The following RPS29 variants were observed in gnomAD, a reference collection of about 807,000 sequenced individuals.
The protein encoded by RPS29 is ribosomal protein S29.
For synonymous variants in RPS29, 37 were observed against 26.9 expected (o/e 1.37, Z -1.16); for missense variants, 60 against 75.7 (o/e 0.79, Z 0.77).
At chr14:49,596,230 G>A (rs916679800) in intron 1 of RPS29, among the ~76,000 whole-genome samples, 1 of 152,104 alleles carries the variant, frequency 6.6e-6, no homozygotes, top group Non-Finnish European at 1.5e-5. Flanking sequence ...TGTAGGCCAG[G>A]TAGAAGAAGA....
intron 1 of RPS29, among the ~76,000 whole-genome samples, chr14:49,591,810 C>T (rs968239170): frequency 2.0e-5 from 3 of 151,434 alleles, no homozygotes; most frequent in African/African-American, 7.3e-5. Context: ...TTAGTAGAGA[C>T]AGGGTTTCAC....
At position 49,586,213 on chromosome 14, in the gene RPS29, C is replaced by T. The variant is rs1881546755; in HGVS notation, c.62+72G>A. On this transcript the variant is annotated intron_variant, in intron 1 of 2. Coordinates refer to ENST00000245458, the MANE Select transcript of RPS29 (RefSeq NM_001032.5). ...TGCTCCCTCGTGCCGCCCGTGGCCT[C>T]CTCTACTTGAGATTTTAAGCAGCCT... 10 of 1,520,668 alleles carry T rather than the reference C, an allele frequency of 6.6e-6. No individual in the cohort carries two copies. In the Admixed American group the frequency reaches 6.7e-5, roughly 10 times the overall value. The allele number at this position is 1,520,668 out of a possible 1,614,324, so 94.2% of individuals were successfully genotyped here. A position where few individuals can be genotyped will look rare whatever the true frequency, so the allele number is the denominator to read the frequency against.
At chr14:49,590,878 A>G (rs1223896400), upstream of RPS29, among the ~76,000 whole-genome samples, 1 of 151,930 alleles carries the variant, frequency 6.6e-6, no homozygotes, top group Non-Finnish European at 1.5e-5. Context: ...TTTAGTAAAG[A>G]CGGGGTTTTG....
intron 2 of RPS29, chr14:49,585,173 G>C (rs1279272036): frequency 6.6e-6 from 1 of 152,104 alleles, no homozygotes; most frequent in Non-Finnish European, 1.5e-5. Context: ...TTCGAGACCA[G>C]CCTGACCAAC....
intron 1 of RPS29, 68 bp from the exon 2 acceptor site, chr14:49,586,117 T>A (rs961335336): frequency 2.7e-6 from 4 of 1,463,092 alleles, no homozygotes; most frequent in Non-Finnish European, 3.8e-6. Flanking sequence ...AGACGGCTAC[T>A]ACCCGCATCC....
intron 2 of RPS29, chr14:49,585,622 T>C (rs1881515410): frequency 2.3e-6 from 1 of 428,886 alleles, no homozygotes. Flanking sequence ...ACAAGATTGA[T>C]AAATGAAACA....
chr14:49,579,964 AAAGTACTCT>A (rs776178299), downstream of RPS29, among the ~76,000 whole-genome samples: 38 of 152,298 alleles, frequency 2.5e-4, no homozygotes, highest in Non-Finnish European at 3.8e-4. Context: ...TACCTGCTGA[AAAGTACTCT>A]AAGACTGGAA....
chr14:49,588,157 TA>T (rs930053481), upstream of RPS29, among the ~76,000 whole-genome samples: 1 of 152,212 alleles, frequency 6.6e-6, no homozygotes, highest in African/African-American at 2.4e-5. Flanking sequence ...TTTAAAACAT[TA>T]CAGTGGTTCT....
At chr14:49,581,044 G>A (rs561567180), downstream of RPS29, among the ~76,000 whole-genome samples, 10 of 151,306 alleles carry the variant, frequency 6.6e-5, no homozygotes, top group East Asian at 5.8e-4. Flanking sequence ...AAAATGAGCC[G>A]GGCATGGTGG....
intron 1 of RPS29, among the ~76,000 whole-genome samples, chr14:49,597,160 C>T (rs571653465): frequency 6.6e-6 from 1 of 152,254 alleles, no homozygotes; most frequent in Admixed American, 6.5e-5. Flanking sequence ...GCGATTCTCC[C>T]GCCTCGGCCT....
At chr14:49,578,152 A>T (rs1396698644) in intron 2 of RPS29, among the ~76,000 whole-genome samples, 1 of 152,088 alleles carries the variant, frequency 6.6e-6, no homozygotes, top group African/African-American at 2.4e-5. Context: ...TTTGTACAGG[A>T]CAACACAGAA....
At chr14:49,593,732 A>G in intron 1 of RPS29, among the ~76,000 whole-genome samples, 1 of 149,578 alleles carries the variant, frequency 6.7e-6, no homozygotes, top group Non-Finnish European at 1.5e-5. Flanking sequence ...TTTAAAATGC[A>G]GAGGTGAGCT....
Position 49,574,042 on chromosome 14 carries a change from C to A in RPS29, c.*3770G>T, listed in dbSNP as rs1342159241. 2.0e-5 allele frequency: 3 copies of A among 152,156 alleles called. No homozygotes were observed. The East Asian group carries it at 5.8e-4, about 29-fold the overall frequency. The allele number at this position is 152,156 out of a possible 1,614,324, so 9.4% of individuals were successfully genotyped here. A position where few individuals can be genotyped will look rare whatever the true frequency, so the allele number is the denominator to read the frequency against. On this transcript the variant is annotated 3_prime_UTR_variant, in exon 3 of 3. Coordinates refer to the RPS29 transcript ENST00000396020. ...CTCCATCAACTCGTCCTTTAATATG[C>A]GATCTTGTTATTATTTAGGAAATGA...
At chr14:49,598,250 C>A (rs1426649276) in intron 1 of RPS29, 2 of 589,172 alleles carry the variant, frequency 3.4e-6, no homozygotes, top group East Asian at 5.7e-5. Flanking sequence ...GCCTGCTTAA[C>A]ATTTGCTCCC....
intron 1 of RPS29, among the ~76,000 whole-genome samples, chr14:49,596,632 G>A (rs1283682728): frequency 6.6e-6 from 1 of 152,146 alleles, no homozygotes; most frequent in Non-Finnish European, 1.5e-5. Context: ...CAATTAGGAA[G>A]ATACATTTTT....
exon 3 of RPS29, chr14:49,577,544 C>T (rs1881217107): frequency 3.3e-6 from 2 of 601,740 alleles, no homozygotes; most frequent in South Asian, 3.5e-5. Context: ...AGCAGTACTT[C>T]CAGCTCCTTA....
At chr14:49,572,271 A>G (rs1047571143) in exon 3 of RPS29, 3 of 152,192 alleles carry the variant, frequency 2.0e-5, no homozygotes, top group Admixed American at 6.5e-5. Context: ...TTTGTAGCCA[A>G]TTGACTGGGG....
chr14:49,586,531 A>C, upstream of RPS29: 1 of 619,720 alleles, frequency 1.6e-6, no homozygotes, highest in Middle Eastern at 2.6e-4. Context: ...CCAGTTGATG[A>C]CGTCACCATA....
At position 49,572,388 on chromosome 14, in the gene RPS29, T is replaced by C. The variant is rs137907802; in HGVS notation, c.*5424A>G. The stretch of plus-strand genomic sequence containing the variant: ...CCCTAATTAGTGCAAGAATTGAATT[T>C]CAATATACCGGTTGAGGTCAGAATA... On this transcript the variant is annotated 3_prime_UTR_variant, in exon 3 of 3. Coordinates refer to the RPS29 transcript ENST00000396020. 8.5e-4 allele frequency: 129 copies of C among 152,380 alleles called. 2 individuals carry two copies. Among genetic ancestry groups the C allele is most frequent in the African/African-American group, 3.0e-3 (126 of 41,598 alleles). 9.4% of individuals were successfully genotyped at this position (152,380 alleles called of 1,614,324 possible).
Sources: allele counts gnomAD v4.1 joint callset (sites outside exome capture counted in the v4.1 genomes callset), GRCh38; gene constraint gnomAD v4.1.1; transcripts MANE v1.5; gene names NCBI Gene and HGNC (gene_info 2026-07-23, HGNC 2026-07-21).